BMAL1: variants seen among roughly 807,000 people sequenced by gnomAD.
The protein encoded by BMAL1 is basic helix-loop-helix ARNT like 1, also known as basic helix-loop-helix ARNT-like protein 1.
At chr11:13,300,669 G>A in the BMAL1 span, among the ~76,000 whole-genome samples, 1,168 of 152,238 alleles carry the variant, frequency 7.7e-3, 24 homozygotes, top group African/African-American at 0.026. Context: ...TTTTAGAAAT[G>A]CCCTAAAACA....
the BMAL1 span, among the ~76,000 whole-genome samples, chr11:13,315,429 T>C: frequency 6.6e-6 from 1 of 152,252 alleles, no homozygotes; most frequent in Non-Finnish European, 1.5e-5. Context: ...TCAAGTACTG[T>C]TAGAATGCTT....
the BMAL1 span, among the ~76,000 whole-genome samples, chr11:13,344,811 TTCCCTCTACAGACATCAGGG>T: frequency 6.6e-6 from 1 of 152,280 alleles, no homozygotes; most frequent in South Asian, 2.1e-4. Flanking sequence ...TCAGCATTCA[TTCCCTCTACAGACATCAGGG>T]CAGGCACCAT....
chr11:13,312,565 G>A, the BMAL1 span, among the ~76,000 whole-genome samples: 2 of 152,188 alleles, frequency 1.3e-5, no homozygotes, highest in African/African-American at 4.8e-5. Context: ...GCAGCCTTGG[G>A]CTTGGAAAGA....
the BMAL1 span, among the ~76,000 whole-genome samples, chr11:13,337,363 T>C: frequency 6.6e-6 from 1 of 152,198 alleles, no homozygotes; most frequent in East Asian, 1.9e-4. Flanking sequence ...TGTATATCAA[T>C]GTATATCAGT....
At chr11:13,381,520 A>AGG in the BMAL1 span, among the ~76,000 whole-genome samples, 1 of 152,202 alleles carries the variant, frequency 6.6e-6, no homozygotes, top group African/African-American at 2.4e-5. Context: ...CATTTAATTG[A>AGG]GGGAGCAATT....
At chr11:13,371,215 A>AG in the BMAL1 span, among the ~76,000 whole-genome samples, 1 of 152,198 alleles carries the variant, frequency 6.6e-6, no homozygotes, top group African/African-American at 2.4e-5. Flanking sequence ...TGAAGTCTAT[A>AG]GGTGCTCCAC....
chr11:13,338,511 A>G, the BMAL1 span, among the ~76,000 whole-genome samples: 1 of 152,178 alleles, frequency 6.6e-6, no homozygotes, highest in Non-Finnish European at 1.5e-5. Context: ...CCCATTGGTT[A>G]TTCATGTCCT....
chr11:13,318,636 G>C, the BMAL1 span, among the ~76,000 whole-genome samples: 1 of 136,298 alleles, frequency 7.3e-6, no homozygotes, highest in Non-Finnish European at 1.5e-5. Context: ...AGGGTTTTGA[G>C]CTTCTCAGAA....
the BMAL1 span, among the ~76,000 whole-genome samples, chr11:13,297,675 G>C: frequency 6.6e-6 from 1 of 152,196 alleles, no homozygotes; most frequent in Non-Finnish European, 1.5e-5. Context: ...AGTGTGCTAG[G>C]CCCTGCCAAG....
chr11:13,342,287 A>G, the BMAL1 span, among the ~76,000 whole-genome samples: 2 of 152,234 alleles, frequency 1.3e-5, no homozygotes, highest in South Asian at 2.1e-4. Context: ...GAGACCACTC[A>G]TAAGAAAAAG....
At chr11:13,364,493 A>C in the BMAL1 span, among the ~76,000 whole-genome samples, 2 of 152,254 alleles carry the variant, frequency 1.3e-5, no homozygotes, top group African/African-American at 4.8e-5. Flanking sequence ...TCCAAAGAGC[A>C]GATTAAGGAC....
chr11:13,330,035 G>A, the BMAL1 span, among the ~76,000 whole-genome samples: 1 of 152,200 alleles, frequency 6.6e-6, no homozygotes, highest in Non-Finnish European at 1.5e-5. Flanking sequence ...ACACGACTTA[G>A]GCAGACGGAC....
chr11:13,318,837 A>C, the BMAL1 span, among the ~76,000 whole-genome samples: 23 of 152,154 alleles, frequency 1.5e-4, 1 homozygote, highest in Non-Finnish European at 2.9e-4. Context: ...TGAGCTTTTA[A>C]AAACTTTTTT....
chr11:13,372,822 G>A, the BMAL1 span, among the ~76,000 whole-genome samples: 1 of 152,000 alleles, frequency 6.6e-6, no homozygotes, highest in South Asian at 2.1e-4. Flanking sequence ...AAAAAAAAGA[G>A]ACAAATGATG....
the BMAL1 span, among the ~76,000 whole-genome samples, chr11:13,370,879 G>A: frequency 6.6e-6 from 1 of 152,152 alleles, no homozygotes; most frequent in Non-Finnish European, 1.5e-5. Context: ...GACTTCCTTT[G>A]ATGCCTCAAG....
the BMAL1 span, among the ~76,000 whole-genome samples, chr11:13,284,188 ATATATGTGTG>A: frequency 1.2e-4 from 8 of 68,238 alleles, no homozygotes; most frequent in African/African-American, 7.4e-4. Flanking sequence ...GTGTATATAT[ATATATGTGTG>A]TATATATATA....
the BMAL1 span, among the ~76,000 whole-genome samples, chr11:13,374,751 A>C: frequency 6.6e-6 from 1 of 152,084 alleles, no homozygotes; most frequent in African/African-American, 2.4e-5. Context: ...TCTCACCCCC[A>C]GTTCATCTTC....
chr11:13,284,247 TATATATATATATATATATA>T, the BMAL1 span, among the ~76,000 whole-genome samples: 3 of 24,708 alleles, frequency 1.2e-4, no homozygotes, highest in East Asian at 4.7e-4. Flanking sequence ...TATATATATA[TATATATATATATATATATA>T]TTTTTTTTTT....
chr11:13,298,610 C>G, the BMAL1 span, among the ~76,000 whole-genome samples: 2 of 152,176 alleles, frequency 1.3e-5, no homozygotes, highest in South Asian at 4.1e-4. Context: ...ATCCCCAGTG[C>G]CTGGATTGGT....
Sources: gnomAD v4.1 joint callset for allele counts (sites outside exome capture counted in the v4.1 genomes callset) on GRCh38, gnomAD v4.1.1 for gene constraint, MANE v1.5 for transcripts, NCBI Gene and HGNC (gene_info 2026-07-23, HGNC 2026-07-21) for gene names.